FOSL1: variants seen among roughly 807,000 people sequenced by gnomAD.
The protein encoded by FOSL1 is fos-related antigen 1.
FOSL1 carries 14 observed loss-of-function variants against 24.9 expected under a neutral mutation model. The ratio of observed to expected loss-of-function variants is 0.56; its 90% CI spans 0.37 to 0.88. The LOEUF (loss-of-function observed/expected upper bound fraction) is 0.88, where lower values mean the gene tolerates loss of function less well. Ranked by LOEUF, FOSL1 falls within the 40% of genes least tolerant of loss-of-function variation. The pLI is 0.00. For missense variants in FOSL1, 318 were observed against 359.8 expected, an observed-to-expected ratio of 0.88 and a Z score of 0.94; for synonymous variants, 133 against 145.1, an observed-to-expected ratio of 0.92 and a Z score of 0.60.
intron 2 of FOSL1, among the ~76,000 whole-genome samples, chr11:65,894,736 A>C (rs964353479): frequency 2.0e-5 from 3 of 152,072 alleles, no homozygotes; most frequent in Admixed American, 2.0e-4. Flanking sequence ...GGCTCACTGC[A>C]ACCTCCACCT....
intron 1 of FOSL1, among the ~76,000 whole-genome samples, chr11:65,898,255 G>T (rs998377864): frequency 6.6e-6 from 1 of 152,016 alleles, no homozygotes; most frequent in African/African-American, 2.4e-5. Flanking sequence ...TGGCCAGGCT[G>T]GTCTTGAACT....
intron 1 of FOSL1, among the ~76,000 whole-genome samples, chr11:65,899,828 G>T (rs549533455): frequency 1.1e-3 from 162 of 152,182 alleles, no homozygotes; most frequent in Non-Finnish European, 1.9e-3. Context: ...TCCCTCCCGT[G>T]TGGGGACCCT....
chr11:65,900,529 G>A (rs540285077), upstream of FOSL1: 6 of 390,888 alleles, frequency 1.5e-5, no homozygotes, highest in South Asian at 2.9e-4. Context: ...TGGCCCGTCG[G>A]TCCCGAACTT....
At chr11:65,895,460 CTG>C (rs1860504680) in intron 2 of FOSL1, among the ~76,000 whole-genome samples, 1 of 152,182 alleles carries the variant, frequency 6.6e-6, no homozygotes. Context: ...CCATGAAAAA[CTG>C]AAGCCCAGAG....
intron 2 of FOSL1, 124 bp downstream of exon 2, chr11:65,896,685 C>T: frequency 2.7e-6 from 2 of 728,156 alleles, no homozygotes; most frequent in East Asian, 5.3e-5. Context: ...CAGCCTTGGG[C>T]AGTAGTCACC....
rs1255736393 is a variant in FOSL1 at position 65,892,832 on chromosome 11, A to C, written c.*54T>G. 51 of 1,560,142 alleles carry C rather than the reference A, an allele frequency of 3.3e-5. No individual in the cohort carries two copies. In the South Asian group the frequency reaches 5.2e-4, roughly 16 times the overall value. On this transcript the variant is annotated 3_prime_UTR_variant, in exon 4 of 4. Coordinates refer to ENST00000312562, the MANE Select transcript of FOSL1 (RefSeq NM_005438.5). Reference sequence around the variant, plus strand: ...CCAGGCCAGCTGGACCGGTGGGGGAAGGGGAGGAGACATTGGCTAGGGTGG... The same window carrying C: ...CCAGGCCAGCTGGACCGGTGGGGGACGGGGAGGAGACATTGGCTAGGGTGG...
In FOSL1 at chr11:65,894,136, C is replaced by A; in HGVS notation, c.298-15G>T. 1 of 1,583,182 alleles carries A rather than the reference C, an allele frequency of 6.3e-7. No homozygotes were observed. On this transcript the variant is annotated splice_polypyrimidine_tract_variant and intron_variant, in intron 2 of 3. Coordinates refer to ENST00000312562, the MANE Select transcript of FOSL1 (RefSeq NM_005438.5). ...TCCGGGCTGATCTGGGGGTGAGACCCGCAGTGAGGAGGACCCTGGGCTACT... is the reference window on the plus strand; with the variant it reads ...TCCGGGCTGATCTGGGGGTGAGACCAGCAGTGAGGAGGACCCTGGGCTACT...
chr11:65,894,957 T>C (rs1305822273), intron 2 of FOSL1, among the ~76,000 whole-genome samples: 9 of 140,432 alleles, frequency 6.4e-5, no homozygotes, highest in Non-Finnish European at 1.1e-4. Flanking sequence ...GTGCTCGGCC[T>C]TTTTTTTTCT....
chr11:65,892,472 T>C lies in FOSL1; in HGVS notation c.*414A>G, dbSNP rs1438334849. ...GCTGGCAGTGGGGCTGGTGAGTTAGTGTTCTAGGTGGGTAAAGTGGCACCT... is the reference window on the plus strand; with the variant it reads ...GCTGGCAGTGGGGCTGGTGAGTTAGCGTTCTAGGTGGGTAAAGTGGCACCT... On this transcript the variant is annotated 3_prime_UTR_variant, in exon 4 of 4. Coordinates refer to ENST00000312562, the MANE Select transcript of FOSL1 (RefSeq NM_005438.5). 7.3e-6 allele frequency: 3 copies of C among 409,142 alleles called. No homozygotes were observed. The highest frequency in any genetic ancestry group is 2.1e-5 in the African/African-American group (1 of 48,066). The allele number at this position is 409,142 out of a possible 1,614,324, so 25.3% of individuals were successfully genotyped here. A position where few individuals can be genotyped will look rare whatever the true frequency, so the allele number is the denominator to read the frequency against.
At chr11:65,894,204 C>A in intron 2 of FOSL1, 83 bp from the exon 3 acceptor site, 1 of 1,017,122 alleles carries the variant, frequency 9.8e-7, no homozygotes, top group Admixed American at 2.0e-5. Context: ...AGTGGTAGGA[C>A]CCTGGCAGAG....
At chr11:65,898,162 T>C (rs1860579567) in intron 1 of FOSL1, among the ~76,000 whole-genome samples, 1 of 149,250 alleles carries the variant, frequency 6.7e-6, no homozygotes, top group South Asian at 2.2e-4. Flanking sequence ...TGCCTCAGCC[T>C]CCCGAGTAGC....
chr11:65,900,415 T>C, upstream of FOSL1: 2 of 858,766 alleles, frequency 2.3e-6, no homozygotes, highest in Non-Finnish European at 3.1e-6. Flanking sequence ...GTCTTTTCTT[T>C]TTATGAATGA....
intron 1 of FOSL1, 127 bp from the exon 2 acceptor site, chr11:65,897,133 C>T (rs1042708460): frequency 1.4e-6 from 1 of 726,362 alleles, no homozygotes; most frequent in Admixed American, 2.4e-5. Context: ...AAGAGCACAG[C>T]TTGGCAGTCA....
chr11:65,900,343 C>T lies in FOSL1; in HGVS notation c.-4G>A, dbSNP rs1591092449. ...GTTCCCCGAAGTCTCGGAACATGCC[C>T]GGGGCTGGCGGCTCTGCGGGGTACA... On this transcript the variant is annotated 5_prime_UTR_variant, in exon 1 of 4. Transcript: ENST00000312562. 4 of 1,233,228 alleles carry T rather than the reference C, an allele frequency of 3.2e-6. No homozygotes were observed. Among genetic ancestry groups the T allele is most frequent in the Non-Finnish European group, 4.1e-6 (4 of 986,368 alleles). The allele number at this position is 1,233,228 out of a possible 1,614,324, so 76.4% of individuals were successfully genotyped here. A position where few individuals can be genotyped will look rare whatever the true frequency, so the allele number is the denominator to read the frequency against.
At chr11:65,893,957 T>TG in intron 3 of FOSL1, 57 bp downstream of exon 3, 2 of 1,215,722 alleles carry the variant, frequency 1.6e-6, no homozygotes, top group Non-Finnish European at 2.4e-6. Flanking sequence ...ACTGGGGCTC[T>TG]GGGGGCTCTG....
At position 65,893,012 on chromosome 11, in the gene FOSL1, G is replaced by A; in HGVS notation, c.690C>T (p.Thr230=). 6.2e-7 allele frequency: 1 copy of A among 1,612,606 alleles called. No individual in the cohort carries two copies. Among genetic ancestry groups the A allele is most frequent in the Non-Finnish European group, 8.5e-7 (1 of 1,179,724 alleles). The part of the protein sequence containing the change: ...LMTTPSLTPF[T]PSLVFTYPST... Reference sequence around the variant, plus strand: ...TGGGGTAGGTGAAGACCAGGCTGGGGGTGAAAGGAGTTAGGGAGGGTGTGG... The same window carrying A: ...TGGGGTAGGTGAAGACCAGGCTGGGAGTGAAAGGAGTTAGGGAGGGTGTGG... Residue 230 remains threonine (T), a synonymous_variant, in exon 4 of 4, where the codon ACC becomes ACT. Transcript: ENST00000312562.
intron 2 of FOSL1, among the ~76,000 whole-genome samples, chr11:65,894,725 T>C (rs1860480130): frequency 6.6e-6 from 1 of 151,824 alleles, no homozygotes; most frequent in Admixed American, 6.6e-5. Flanking sequence ...GGCCCAATCT[T>C]GGCTCACTGC....
At position 65,892,787 on chromosome 11, in the gene FOSL1, A is replaced by G; in HGVS notation, c.*99T>C. On this transcript the variant is annotated 3_prime_UTR_variant, in exon 4 of 4. Coordinates refer to ENST00000312562, the MANE Select transcript of FOSL1 (RefSeq NM_005438.5). Reference sequence around the variant, plus strand: ...AGAGGGATGGAGAAGAAGTTGCTGGAGTTGGATGTGGGATACTGTCCAGGC... The same window carrying G: ...AGAGGGATGGAGAAGAAGTTGCTGGGGTTGGATGTGGGATACTGTCCAGGC... 1 of 1,148,862 alleles carries G rather than the reference A, an allele frequency of 8.7e-7. No homozygotes were observed. The highest frequency in any genetic ancestry group is 1.4e-5 in the South Asian group (1 of 72,750). The allele number at this position is 1,148,862 out of a possible 1,614,324, so 71.2% of individuals were successfully genotyped here.
Position 65,896,881 on chromosome 11 carries a change from G to A in FOSL1, c.225C>T (p.Pro75=). Residue 75 remains proline (P), a synonymous_variant, in exon 2 of 4, where the codon CCC becomes CCT. Transcript: ENST00000312562. ...GGATGACTCCTGGCCGGGGTTGTGG[G>A]GGGCTGTACTGAGGGTAGGTCAGAG... ...PRPLTYPQYS[P]PQPRPGVIRA... is the part of the protein sequence containing the mutation. 7 of 1,613,998 alleles carry A rather than the reference G, an allele frequency of 4.3e-6. No individual in the cohort carries two copies. Among genetic ancestry groups the A allele is most frequent in the Non-Finnish European group, 5.9e-6 (7 of 1,179,884 alleles).
Sources: gnomAD v4.1 joint callset for allele counts (sites outside exome capture counted in the v4.1 genomes callset) on GRCh38, gnomAD v4.1.1 for gene constraint, MANE v1.5 for transcripts, NCBI Gene and HGNC (gene_info 2026-07-23, HGNC 2026-07-21) for gene names.